Variants in NDUFA8 observed in about 807,000 individuals in gnomAD.
NDUFA8 encodes NADH dehydrogenase [ubiquinone] 1 alpha subcomplex subunit 8.
A neutral mutation model predicts 20.9 loss-of-function variants in NDUFA8; 16 were observed. The ratio of observed to expected loss-of-function variants is 0.77; its 90% CI spans 0.52 to 1.16. The LOEUF (loss-of-function observed/expected upper bound fraction) is 1.16. Among genes scored for constraint, NDUFA8 ranks in the 50% most tolerant of loss-of-function variants. The pLI, the probability that NDUFA8 is intolerant of heterozygous loss-of-function variation, is 0.00. For synonymous variants in NDUFA8, 70 were observed against 76.1 expected, an observed-to-expected ratio of 0.92 and a Z score of 0.41; for missense variants, 202 against 216.4, an observed-to-expected ratio of 0.93 and a Z score of 0.42.
intron 3 of NDUFA8, among the ~76,000 whole-genome samples, chr9:122,144,639 G>A (rs1828874666): frequency 6.6e-6 from 1 of 152,212 alleles, no homozygotes; most frequent in Non-Finnish European, 1.5e-5. Context: ...ACAGTCTAGT[G>A]AGGGAGAAAG....
chr9:122,137,055 C>G, the NDUFA8 span, among the ~76,000 whole-genome samples: 2 of 152,170 alleles, frequency 1.3e-5, no homozygotes, highest in South Asian at 4.2e-4. Flanking sequence ...TTTCAGCCAG[C>G]CTGAATGCAG....
chr9:122,142,827 A>C (rs899327357), downstream of NDUFA8, among the ~76,000 whole-genome samples: 10 of 152,194 alleles, frequency 6.6e-5, no homozygotes, highest in Admixed American at 2.0e-4. Flanking sequence ...TATAAACACC[A>C]ATCTGCAGCC....
chr9:122,157,876 A>G (rs952355725), intron 1 of NDUFA8, among the ~76,000 whole-genome samples: 3 of 152,210 alleles, frequency 2.0e-5, no homozygotes, highest in African/African-American at 7.2e-5. Context: ...ACATACGGCC[A>G]GGCGCGGTGG....
chr9:122,152,225 C>G lies in NDUFA8; in HGVS notation c.215+20G>C. 6.2e-7 allele frequency: 1 copy of G among 1,614,130 alleles called. No homozygotes were observed. The highest frequency in any genetic ancestry group is 1.1e-5 in the South Asian group (1 of 91,086). On this transcript the variant is annotated intron_variant, in intron 2 of 3. Transcript: ENST00000373768. The stretch of plus-strand genomic sequence containing the variant: ...CCTTTATGCTTCAACCAAGTAGGCA[C>G]TGATACCAAAGATTTTTACCTAAAG...
chr9:122,138,759 G>A, the NDUFA8 span, among the ~76,000 whole-genome samples: 6 of 151,602 alleles, frequency 4.0e-5, no homozygotes, highest in African/African-American at 9.7e-5. Context: ...CTTCTAACAC[G>A]GAGGAAGAGG....
chr9:122,154,652 T>C (rs918588021), intron 1 of NDUFA8, among the ~76,000 whole-genome samples: 4 of 152,214 alleles, frequency 2.6e-5, no homozygotes, highest in Non-Finnish European at 4.4e-5. Flanking sequence ...ACTTTATTTT[T>C]TTCTTCTTAT....
chr9:122,156,059 A>G (rs759790693), intron 1 of NDUFA8, among the ~76,000 whole-genome samples: 2 of 152,234 alleles, frequency 1.3e-5, no homozygotes, highest in Non-Finnish European at 2.9e-5. Context: ...GCTTCTTCCC[A>G]TTATATCACC....
chr9:122,139,465 G>T (rs576430944), downstream of NDUFA8, among the ~76,000 whole-genome samples: 141 of 152,258 alleles, frequency 9.3e-4, no homozygotes, highest in African/African-American at 3.2e-3. Context: ...CCAATGGAAT[G>T]GAAGTTCCAT....
Position 122,144,097 on chromosome 9 carries a change from A to G in NDUFA8, c.*144T>C, listed in dbSNP as rs1828861280. 8.5e-6 allele frequency: 13 copies of G among 1,528,134 alleles called. No homozygotes were observed. In the South Asian group the frequency reaches 1.5e-4, roughly 18 times the overall value. The allele number at this position is 1,528,134 out of a possible 1,614,324, so 94.7% of individuals were successfully genotyped here. A position where few individuals can be genotyped will look rare whatever the true frequency, so the allele number is the denominator to read the frequency against. On this transcript the variant is annotated 3_prime_UTR_variant, in exon 4 of 4. Coordinates refer to ENST00000373768, the MANE Select transcript of NDUFA8 (RefSeq NM_014222.3). ...TTTAATGGACAGGAAATGGTATAGA[A>G]TAACTGCCAAGTCACATAAGTTAAC...
intron 2 of NDUFA8, among the ~76,000 whole-genome samples, chr9:122,150,971 C>CAA (rs71508152): frequency 0.077 from 3,800 of 49,544 alleles, 565 homozygotes; most frequent in Non-Finnish European, 0.09. Flanking sequence ...GACTCCGTCT[C>CAA]AAAAAAAAAA....
At chr9:122,142,615 G>A (rs1406971220), downstream of NDUFA8, among the ~76,000 whole-genome samples, 3 of 152,174 alleles carry the variant, frequency 2.0e-5, no homozygotes, top group Non-Finnish European at 4.4e-5. Flanking sequence ...TGAGACTGGG[G>A]CTTCTTAACC....
At chr9:122,141,276 C>T (rs534428919), downstream of NDUFA8, among the ~76,000 whole-genome samples, 1 of 152,206 alleles carries the variant, frequency 6.6e-6, no homozygotes, top group East Asian at 1.9e-4. Flanking sequence ...TTCGTGAGCC[C>T]CTGAAGGCTT....
At position 122,144,199 on chromosome 9, in the gene NDUFA8, G is replaced by A. The variant is rs372066146; in HGVS notation, c.*42C>T. The A allele has an allele frequency of 2.2e-5, 36 of 1,612,636 alleles. No homozygotes were observed. The highest frequency in any genetic ancestry group is 9.9e-5 in the South Asian group (9 of 90,984). ...AACCGCATGGGCGTTTTCATCAGTC[G>A]TTGTCTGAGCACATGACCGAGTGTG... On this transcript the variant is annotated 3_prime_UTR_variant, in exon 4 of 4. Coordinates refer to ENST00000373768, the MANE Select transcript of NDUFA8 (RefSeq NM_014222.3).
At chr9:122,158,826 C>T (rs1032406801) in intron 1 of NDUFA8, among the ~76,000 whole-genome samples, 4 of 144,808 alleles carry the variant, frequency 2.8e-5, no homozygotes, top group South Asian at 4.2e-4. Flanking sequence ...TATATATATC[C>T]TACCTTATAG....
intron 3 of NDUFA8, 114 bp from the exon 4 acceptor site, chr9:122,144,492 C>T (rs1419746354): frequency 1.7e-5 from 17 of 989,156 alleles, no homozygotes; most frequent in South Asian, 1.7e-4. Flanking sequence ...AACTGCTCCC[C>T]GACTTAAATT....
At chr9:122,135,224 T>C in the NDUFA8 span, among the ~76,000 whole-genome samples, 1 of 152,200 alleles carries the variant, frequency 6.6e-6, no homozygotes, top group Admixed American at 6.5e-5. Flanking sequence ...GGGGTCCCAT[T>C]GGCCGCACAC....
chr9:122,147,996 A>G, intron 3 of NDUFA8, 116 bp downstream of exon 3: 1 of 1,242,650 alleles, frequency 8.0e-7, no homozygotes, highest in Non-Finnish European at 1.2e-6. Flanking sequence ...TATGTTTGGT[A>G]AATCTGGTAA....
At chr9:122,133,040 C>A in the NDUFA8 span, 1 of 456,074 alleles carries the variant, frequency 2.2e-6, no homozygotes, top group Non-Finnish European at 4.4e-6. Context: ...ATGGTTCCAT[C>A]TAATCCTCAC....
chr9:122,147,617 ATTTTTTT>A (rs34576446), intron 3 of NDUFA8, among the ~76,000 whole-genome samples: 6 of 106,762 alleles, frequency 5.6e-5, no homozygotes, highest in Non-Finnish European at 1.1e-4. Context: ...GCCTAAAGAA[ATTTTTTT>A]TTTTTTTTTT....
Sources: allele counts gnomAD v4.1 joint callset (sites outside exome capture counted in the v4.1 genomes callset), GRCh38; gene constraint gnomAD v4.1.1; transcripts MANE v1.5; gene names NCBI Gene and HGNC (gene_info 2026-07-23, HGNC 2026-07-21).